The following LHFPL3 variants were observed in gnomAD, a reference collection of about 807,000 sequenced individuals.
LHFPL3 encodes the protein LHFPL tetraspan subfamily member 3.
LHFPL3 carries 5 observed loss-of-function variants against 19.3 expected under a neutral mutation model. That is an observed-to-expected ratio of 0.26 (90% CI 0.14 to 0.54). The LOEUF is 0.54. LHFPL3 is among the 20% of genes least tolerant of loss of function. The pLI is 0.94. For synonymous variants in LHFPL3, 133 were observed against 126.2 expected, an observed-to-expected ratio of 1.05 and a Z score of -0.36; for missense variants, 249 against 307.4, an observed-to-expected ratio of 0.81 and a Z score of 1.42.
chr7:104,607,398 C>T (rs1791122718), intron 1 of LHFPL3, among the ~76,000 whole-genome samples: 1 of 152,134 alleles, frequency 6.6e-6, no homozygotes, highest in Admixed American at 6.5e-5. Context: ...GAGTTGTCTG[C>T]CTGAAAACAC....
At chr7:104,503,326 G>T (rs1793637099) in intron 1 of LHFPL3, among the ~76,000 whole-genome samples, 1 of 152,018 alleles carries the variant, frequency 6.6e-6, no homozygotes, top group Non-Finnish European at 1.5e-5. Flanking sequence ...GTGTGTATGT[G>T]TCTGTAAAAA....
At chr7:104,647,972 T>G (rs1791961527) in intron 1 of LHFPL3, among the ~76,000 whole-genome samples, 1 of 152,222 alleles carries the variant, frequency 6.6e-6, no homozygotes, top group Non-Finnish European at 1.5e-5. Flanking sequence ...ATAAACGAGC[T>G]GACATGCCTG....
intron 1 of LHFPL3, among the ~76,000 whole-genome samples, chr7:104,430,833 C>G (rs1466434532): frequency 6.6e-6 from 1 of 151,926 alleles, no homozygotes; most frequent in Non-Finnish European, 1.5e-5. Flanking sequence ...AACCCAGCTC[C>G]CTCCTCCACC....
At chr7:104,798,214 C>T (rs763463622) in intron 2 of LHFPL3, 4 of 152,108 alleles carry the variant, frequency 2.6e-5, no homozygotes, top group Non-Finnish European at 4.4e-5. Context: ...AAAGATTATT[C>T]GTAATTTGTC....
At chr7:104,690,276 G>C (rs1365838499) in intron 1 of LHFPL3, among the ~76,000 whole-genome samples, 1 of 152,230 alleles carries the variant, frequency 6.6e-6, no homozygotes, top group African/African-American at 2.4e-5. Flanking sequence ...CTGGTACCTG[G>C]TGTGCAGCCA....
chr7:104,656,251 T>C (rs953541747), intron 1 of LHFPL3, among the ~76,000 whole-genome samples: 2 of 144,192 alleles, frequency 1.4e-5, no homozygotes, highest in Non-Finnish European at 3.1e-5. Context: ...TTTTTTTTTT[T>C]CATGATTGCT....
At chr7:104,828,007 C>T (rs1167693734) in intron 2 of LHFPL3, among the ~76,000 whole-genome samples, 1 of 151,928 alleles carries the variant, frequency 6.6e-6, no homozygotes, top group East Asian at 1.9e-4. Context: ...TGTCACAAGT[C>T]CTGAACATTC....
intron 1 of LHFPL3, among the ~76,000 whole-genome samples, chr7:104,711,787 A>C (rs926036081): frequency 3.5e-4 from 53 of 152,188 alleles, no homozygotes; most frequent in Admixed American, 1.3e-3. Flanking sequence ...GATTTATGAA[A>C]GGCCAGACTT....
In LHFPL3 at chr7:104,401,126, T is replaced by G. The variant is rs778246328; in HGVS notation, c.445+71902T>G. 3.2e-4 allele frequency among the ~76,000 whole-genome samples: 49 copies of G among 151,052 alleles called. 1 individual carries two copies. Among genetic ancestry groups the G allele is most frequent in the Non-Finnish European group, 7.4e-5 (5 of 67,346 alleles). On this transcript the variant is annotated intron_variant, in intron 1 of 2. Transcript: ENST00000424859. The stretch of plus-strand genomic sequence containing the variant: ...TTACCTCTCCCTCAGTTCCCTATTT[T>G]GTAATGGGAAGTAGCACAAGTAATC...
At chr7:104,798,027 G>T (rs56043784) in intron 2 of LHFPL3, among the ~76,000 whole-genome samples, 6,091 of 152,136 alleles carry the variant, frequency 0.04, 183 homozygotes, top group African/African-American at 0.078. Flanking sequence ...GGTGGCAGTG[G>T]GGGGGGCGGC....
At chr7:104,395,598 T>G (rs1178518197) in intron 1 of LHFPL3, among the ~76,000 whole-genome samples, 1 of 152,046 alleles carries the variant, frequency 6.6e-6, no homozygotes, top group Non-Finnish European at 1.5e-5. Flanking sequence ...GAAGCAGGAG[T>G]TAGGAGAGGT....
At chr7:104,368,203 T>C (rs1407166728) in intron 1 of LHFPL3, among the ~76,000 whole-genome samples, 1 of 152,248 alleles carries the variant, frequency 6.6e-6, no homozygotes, top group Non-Finnish European at 1.5e-5. Flanking sequence ...TTGCTGCCTT[T>C]ATGTTCCCCA....
chr7:104,678,152 A>G (rs1450328780), intron 1 of LHFPL3, among the ~76,000 whole-genome samples: 1 of 152,234 alleles, frequency 6.6e-6, no homozygotes, highest in Non-Finnish European at 1.5e-5. Flanking sequence ...GATTAACTGT[A>G]AGATAAACTG....
At chr7:104,670,533 G>C (rs1410065115) in intron 1 of LHFPL3, among the ~76,000 whole-genome samples, 1 of 152,168 alleles carries the variant, frequency 6.6e-6, no homozygotes, top group Non-Finnish European at 1.5e-5. Context: ...CAGTATCTAA[G>C]TCACATACAT....
intron 1 of LHFPL3, among the ~76,000 whole-genome samples, chr7:104,602,794 A>G (rs923548064): frequency 2.6e-5 from 4 of 152,218 alleles, no homozygotes; most frequent in Admixed American, 6.5e-5. Context: ...GTCCAAGAGC[A>G]TAGTACTAGC....
At chr7:104,623,031 A>C in intron 1 of LHFPL3, 1 of 373,078 alleles carries the variant, frequency 2.7e-6, no homozygotes, top group Non-Finnish European at 5.6e-6. Context: ...CCTGATGGCT[A>C]ATGATGTTGA....
chr7:104,694,929 G>A (rs1792970263), intron 1 of LHFPL3, among the ~76,000 whole-genome samples: 1 of 152,238 alleles, frequency 6.6e-6, no homozygotes, highest in African/African-American at 2.4e-5. Flanking sequence ...GAGCTAACTT[G>A]AAGGTGTCTG....
At chr7:104,765,680 AC>A (rs1182324091) in intron 2 of LHFPL3, among the ~76,000 whole-genome samples, 10 of 152,200 alleles carry the variant, frequency 6.6e-5, no homozygotes. Context: ...CCAAATTCTA[AC>A]TTTCTGCAAG....
chr7:104,770,108 C>T (rs896961133), intron 2 of LHFPL3, among the ~76,000 whole-genome samples: 1 of 152,080 alleles, frequency 6.6e-6, no homozygotes. Context: ...CAGAGTCAGC[C>T]TGGTACGAGA....
Sources: gnomAD v4.1 joint callset for allele counts (sites outside exome capture counted in the v4.1 genomes callset) on GRCh38, gnomAD v4.1.1 for gene constraint, MANE v1.5 for transcripts, NCBI Gene and HGNC (gene_info 2026-07-23, HGNC 2026-07-21) for gene names.